Variants in TBC1D4 observed in about 807,000 individuals in gnomAD.
The protein encoded by TBC1D4 is TBC1 domain family member 4.
In TBC1D4, 121 loss-of-function variants were observed where a neutral mutation model predicts 142.5. The ratio of observed to expected loss-of-function variants is 0.85; its 90% CI spans 0.73 to 0.99. TBC1D4 has a LOEUF of 0.99. Ranked by LOEUF, TBC1D4 falls within the 50% of genes least tolerant of loss-of-function variation. TBC1D4 has a pLI of 0.00. For missense variants in TBC1D4, 1,475 were observed against 1,606.6 expected (o/e 0.92, Z 1.40); for synonymous variants, 630 against 628.2 (o/e 1.00, Z -0.04).
chr13:75,330,959 AACAG>A (rs758400389), intron 8 of TBC1D4, among the ~76,000 whole-genome samples: 5 of 152,222 alleles, frequency 3.3e-5, no homozygotes, highest in Non-Finnish European at 5.9e-5. Flanking sequence ...ATTTGGTCTT[AACAG>A]ACAAAGTAGT....
intron 12 of TBC1D4, among the ~76,000 whole-genome samples, chr13:75,313,766 T>C (rs888055718): frequency 6.6e-6 from 1 of 152,162 alleles, no homozygotes; most frequent in Non-Finnish European, 1.5e-5. Flanking sequence ...ACTCAAGCAA[T>C]TCTCCTGTCT....
chr13:75,403,360 A>G (rs1248463397), intron 1 of TBC1D4, among the ~76,000 whole-genome samples: 1 of 152,222 alleles, frequency 6.6e-6, no homozygotes, highest in African/African-American at 2.4e-5. Flanking sequence ...CATTATTACT[A>G]AACAAAATAT....
intron 1 of TBC1D4, among the ~76,000 whole-genome samples, chr13:75,447,507 T>TGG (rs1887339150): frequency 6.7e-6 from 1 of 149,606 alleles, no homozygotes; most frequent in South Asian, 2.1e-4. Flanking sequence ...TGAATGTGTG[T>TGG]GTGTGTGTGT....
chr13:75,406,507 T>C (rs1401502322), intron 1 of TBC1D4, among the ~76,000 whole-genome samples: 1 of 152,136 alleles, frequency 6.6e-6, no homozygotes, highest in East Asian at 1.9e-4. Context: ...CAAGGACATG[T>C]TGCAAAACAG....
chr13:75,436,246 C>T (rs1191422052), intron 1 of TBC1D4, among the ~76,000 whole-genome samples: 1 of 152,146 alleles, frequency 6.6e-6, no homozygotes, highest in Admixed American at 6.6e-5. Flanking sequence ...ACCGTGAGTC[C>T]ATTCAAACTT....
chr13:75,459,763 T>C (rs78484524), intron 1 of TBC1D4, among the ~76,000 whole-genome samples: 1 of 152,164 alleles, frequency 6.6e-6, no homozygotes, highest in Non-Finnish European at 1.5e-5. Flanking sequence ...CCTGGACACA[T>C]AGCACAGTCC....
intron 15 of TBC1D4, among the ~76,000 whole-genome samples, chr13:75,303,246 G>T (rs1302317519): frequency 6.6e-6 from 1 of 152,012 alleles, no homozygotes; most frequent in South Asian, 2.1e-4. Flanking sequence ...GAACCTGGGG[G>T]ACACAGGTTG....
intron 1 of TBC1D4, among the ~76,000 whole-genome samples, chr13:75,381,323 T>A (rs758823724): frequency 1.2e-4 from 18 of 152,216 alleles, no homozygotes; most frequent in Non-Finnish European, 2.6e-4. Context: ...GAATGGCCTA[T>A]AACTGCCACT....
rs1204417600 is a variant in TBC1D4 at position 75,336,918 on chromosome 13, T to C, written c.1731+3A>G. The C allele has an allele frequency of 3.1e-6, 5 of 1,613,702 alleles. No individual in the cohort carries two copies. The highest frequency in any genetic ancestry group is 4.2e-6 in the Non-Finnish European group (5 of 1,179,786). On this transcript the variant is annotated splice_donor_region_variant and intron_variant, in intron 8 of 20. Transcript: ENST00000377636. ...ACTTGAAAGACCATTGGTGCAATCT[T>C]ACCCTTGAGAAGATATTTTCCAGGG... is the stretch of plus-strand genomic sequence containing the variant.
intron 1 of TBC1D4, 53 bp downstream of exon 1, chr13:75,481,216 TC>T (rs1888851882): frequency 1.3e-6 from 1 of 768,612 alleles, no homozygotes; most frequent in Non-Finnish European, 2.1e-6. Context: ...CCCGCCCTGC[TC>T]CCCGATCCCC....
At chr13:75,407,283 G>C (rs1309953406) in intron 1 of TBC1D4, among the ~76,000 whole-genome samples, 1 of 152,122 alleles carries the variant, frequency 6.6e-6, no homozygotes, top group Non-Finnish European at 1.5e-5. Flanking sequence ...TAGACTAATA[G>C]ACCAAGAGTT....
chr13:75,322,431 T>C (rs1878852736), intron 11 of TBC1D4, among the ~76,000 whole-genome samples: 1 of 152,330 alleles, frequency 6.6e-6, no homozygotes, highest in East Asian at 1.9e-4. Flanking sequence ...GACTTCAAAA[T>C]CCTTCTATTA....
intron 12 of TBC1D4, among the ~76,000 whole-genome samples, chr13:75,319,614 G>T (rs919155035): frequency 7.2e-5 from 11 of 152,186 alleles, no homozygotes; most frequent in Admixed American, 4.6e-4. Flanking sequence ...ATTCAATTTT[G>T]TGAGTACGTT....
intron 1 of TBC1D4, among the ~76,000 whole-genome samples, chr13:75,433,988 T>C (rs780636996): frequency 1.1e-4 from 16 of 152,170 alleles, no homozygotes; most frequent in Admixed American, 2.6e-4. Flanking sequence ...TCAGAATGGC[T>C]ATTACTAAAA....
At chr13:75,378,453 C>T (rs191940040) in intron 1 of TBC1D4, among the ~76,000 whole-genome samples, 1 of 152,172 alleles carries the variant, frequency 6.6e-6, no homozygotes, top group Non-Finnish European at 1.5e-5. Flanking sequence ...AATGGTGTAA[C>T]AGATTTGTGC....
intron 1 of TBC1D4, among the ~76,000 whole-genome samples, chr13:75,367,812 C>T (rs575476263): frequency 2.6e-5 from 4 of 152,140 alleles, no homozygotes; most frequent in East Asian, 1.9e-4. Flanking sequence ...TTTTGAGAAA[C>T]GATTGATTTG....
At chr13:75,358,492 ATAAAG>A (rs1444963805) in intron 3 of TBC1D4, among the ~76,000 whole-genome samples, 1 of 152,184 alleles carries the variant, frequency 6.6e-6, no homozygotes, top group East Asian at 1.9e-4. Flanking sequence ...TCCATATAAT[ATAAAG>A]TATATTAAAA....
At chr13:75,470,775 C>G (rs1337707772) in intron 1 of TBC1D4, among the ~76,000 whole-genome samples, 1 of 152,110 alleles carries the variant, frequency 6.6e-6, no homozygotes, top group Non-Finnish European at 1.5e-5. Flanking sequence ...CACCTGAGGT[C>G]AGGAGTTTAA....
chr13:75,412,082 T>G (rs1885696555), intron 1 of TBC1D4, among the ~76,000 whole-genome samples: 1 of 152,020 alleles, frequency 6.6e-6, no homozygotes, highest in African/African-American at 2.4e-5. Flanking sequence ...AAGAAGAGAA[T>G]CCTGTAAATT....
Sources: allele counts gnomAD v4.1 joint callset (sites outside exome capture counted in the v4.1 genomes callset), GRCh38; gene constraint gnomAD v4.1.1; transcripts MANE v1.5; gene names NCBI Gene and HGNC (gene_info 2026-07-23, HGNC 2026-07-21).